Variants in ARHGEF3 observed in about 807,000 individuals in gnomAD.
ARHGEF3 encodes the protein Rho guanine nucleotide exchange factor 3, also known as 59.8 kDA protein.
A neutral mutation model predicts 63.2 loss-of-function variants in ARHGEF3; 28 were observed. The ratio of observed to expected loss-of-function variants is 0.44; its 90% CI spans 0.33 to 0.61. ARHGEF3 has a LOEUF of 0.61. ARHGEF3 is among the 20% of genes least tolerant of loss of function. The probability of loss-of-function intolerance (pLI) is 0.03; values close to 1 mark genes in which losing one functional copy is unlikely to be tolerated. For synonymous variants in ARHGEF3, 266 were observed against 254.2 expected (o/e 1.05, Z -0.44); for missense variants, 533 against 659.3 (o/e 0.81, Z 2.10).
intron 4 of ARHGEF3, among the ~76,000 whole-genome samples, chr3:56,874,111 G>A (rs1051165770): frequency 1.3e-5 from 2 of 152,112 alleles, no homozygotes; most frequent in East Asian, 3.9e-4. Context: ...CTATGTGAAC[G>A]CTCAAAGCAC....
intron 3 of ARHGEF3, among the ~76,000 whole-genome samples, chr3:56,886,515 G>C (rs1036000965): frequency 5.9e-5 from 9 of 152,212 alleles, no homozygotes; most frequent in Admixed American, 6.5e-5. Flanking sequence ...GTGATCTACA[G>C]AGTAGCTCAT....
chr3:56,800,161 T>C (rs925436747), intron 1 of ARHGEF3, among the ~76,000 whole-genome samples: 3 of 152,232 alleles, frequency 2.0e-5, no homozygotes, highest in East Asian at 1.9e-4. Context: ...GACTAAGTAA[T>C]AGTAGGAAGG....
chr3:56,999,621 T>C (rs1702114656), intron 2 of ARHGEF3, among the ~76,000 whole-genome samples: 1 of 152,158 alleles, frequency 6.6e-6, no homozygotes, highest in South Asian at 2.1e-4. Context: ...GCTTGGGCAA[T>C]ATAGCCAGAC....
chr3:56,959,308 G>T (rs932464898), intron 2 of ARHGEF3, among the ~76,000 whole-genome samples: 5 of 152,130 alleles, frequency 3.3e-5, no homozygotes, highest in Non-Finnish European at 7.3e-5. Context: ...CCAACAAGGG[G>T]TACATTTGAG....
intron 4 of ARHGEF3, among the ~76,000 whole-genome samples, chr3:56,876,716 T>G (rs998567699): frequency 2.6e-5 from 4 of 150,982 alleles, no homozygotes; most frequent in Admixed American, 2.6e-4. Flanking sequence ...TGAATCCCAA[T>G]CCTATCCCAC....
chr3:56,832,816 G>A (rs1266169617), intron 4 of ARHGEF3, among the ~76,000 whole-genome samples: 1 of 152,070 alleles, frequency 6.6e-6, no homozygotes, highest in African/African-American at 2.4e-5. Flanking sequence ...CTGTCTCTAT[G>A]CACTTGCCTT....
At chr3:56,958,595 G>T (rs1163807879) in intron 3 of ARHGEF3, among the ~76,000 whole-genome samples, 1 of 152,084 alleles carries the variant, frequency 6.6e-6, no homozygotes, top group Non-Finnish European at 1.5e-5. Flanking sequence ...GCCTCCCAAA[G>T]TGCTGGGATT....
intron 3 of ARHGEF3, among the ~76,000 whole-genome samples, chr3:56,933,392 T>C (rs1240416265): frequency 6.7e-6 from 1 of 149,272 alleles, no homozygotes; most frequent in Non-Finnish European, 1.5e-5. Context: ...AATGTTTCTT[T>C]TCTTTTTTTT....
intron 4 of ARHGEF3, among the ~76,000 whole-genome samples, chr3:56,876,615 T>C (rs950207207): frequency 3.9e-5 from 6 of 152,146 alleles, no homozygotes; most frequent in Admixed American, 1.3e-4. Flanking sequence ...GTGAGCACAT[T>C]CTTCCCAAGT....
chr3:57,004,704 T>C (rs892096895), intron 2 of ARHGEF3, among the ~76,000 whole-genome samples: 3 of 152,240 alleles, frequency 2.0e-5, no homozygotes, highest in African/African-American at 7.2e-5. Flanking sequence ...CAGTGGCTCA[T>C]GCCTGTAATC....
intron 3 of ARHGEF3, among the ~76,000 whole-genome samples, chr3:56,932,854 C>T (rs2042449479): frequency 6.6e-6 from 1 of 152,218 alleles, no homozygotes; most frequent in African/African-American, 2.4e-5. Flanking sequence ...AATCCTCAGA[C>T]TGACCTGCTG....
intron 2 of ARHGEF3, among the ~76,000 whole-genome samples, chr3:57,008,779 T>C (rs1389363489): frequency 6.6e-6 from 1 of 152,080 alleles, no homozygotes; most frequent in Non-Finnish European, 1.5e-5. Flanking sequence ...GCCCTGTCAT[T>C]TTTCTCTGGA....
At chr3:56,958,932 T>C (rs564832107) in intron 2 of ARHGEF3, 2 of 1,518,144 alleles carry the variant, frequency 1.3e-6, no homozygotes, top group Non-Finnish European at 1.8e-6. Context: ...AGTGGTTGGA[T>C]ATTCAGAGGA....
At chr3:57,023,382 TC>T (rs1474163365) in intron 2 of ARHGEF3, among the ~76,000 whole-genome samples, 2 of 152,192 alleles carry the variant, frequency 1.3e-5, no homozygotes, top group Non-Finnish European at 2.9e-5. Flanking sequence ...ACCTCCATCA[TC>T]TCTCTCCTGG....
At chr3:57,001,318 A>G (rs535421581) in intron 2 of ARHGEF3, among the ~76,000 whole-genome samples, 10 of 152,336 alleles carry the variant, frequency 6.6e-5, no homozygotes, top group African/African-American at 2.4e-4. Context: ...ACTGCTCTAT[A>G]GTACTTGATT....
chr3:56,882,320 G>C, exon 4 of ARHGEF3: 1 of 1,551,838 alleles, frequency 6.4e-7, no homozygotes, highest in South Asian at 1.2e-5. Context: ...AAGGCTAACA[G>C]CATCTTCATC....
At position 56,801,862 on chromosome 3, in the gene ARHGEF3, G is replaced by A; in HGVS notation, c.-64C>T. 6.4e-7 allele frequency: 1 copy of A among 1,551,146 alleles called. No individual in the cohort carries two copies. Among genetic ancestry groups the A allele is most frequent in the Non-Finnish European group, 8.7e-7 (1 of 1,146,912 alleles). On this transcript the variant is annotated 5_prime_UTR_variant, in exon 1 of 10. Coordinates refer to ENST00000296315, the MANE Select transcript of ARHGEF3 (RefSeq NM_019555.3). ...ACCCTAGGCGACTACAAAACTCCCA[G>A]GCAAAAGGGGGCCCCAGCTCCACGA... is the stretch of plus-strand genomic sequence containing the variant.
rs552841795 is a variant in ARHGEF3 at position 56,905,876 on chromosome 3, T to G, written c.130-23522A>C. ...CATGTGACTGTTTAAATTCACTTCT[T>G]TTTTTTGGAGACGGAGTCTCACTCT... On this transcript the variant is annotated intron_variant, in intron 3 of 12. Coordinates refer to the ARHGEF3 transcript ENST00000338458. 5.9e-5 allele frequency among the ~76,000 whole-genome samples: 9 copies of G among 152,084 alleles called. No individual in the cohort carries two copies. In the South Asian group the frequency reaches 1.9e-3, roughly 32 times the overall value.
chr3:56,773,320 G>A (rs2036104876), intron 2 of ARHGEF3, among the ~76,000 whole-genome samples: 2 of 152,150 alleles, frequency 1.3e-5, no homozygotes, highest in South Asian at 4.1e-4. Context: ...TGGTGAACTG[G>A]ATTTTCTCCA....
Sources: allele counts gnomAD v4.1 joint callset (sites outside exome capture counted in the v4.1 genomes callset), GRCh38; gene constraint gnomAD v4.1.1; transcripts MANE v1.5; gene names NCBI Gene and HGNC (gene_info 2026-07-23, HGNC 2026-07-21).